The following ANKS1B variants were observed in gnomAD, a reference collection of about 807,000 sequenced individuals.
ANKS1B encodes ankyrin repeat and sterile alpha motif domain-containing protein 1B.
In ANKS1B, 36 loss-of-function variants were observed where a neutral mutation model predicts 148.3. The ratio of observed to expected loss-of-function variants is 0.24; its 90% CI spans 0.19 to 0.32. The LOEUF (loss-of-function observed/expected upper bound fraction) is 0.32. Ranked by LOEUF, ANKS1B falls within the 10% of genes least tolerant of loss-of-function variation. The pLI is 1.00. For synonymous variants in ANKS1B, 542 were observed against 560.8 expected, an observed-to-expected ratio of 0.97 and a Z score of 0.47; for missense variants, 1,157 against 1,542.6, an observed-to-expected ratio of 0.75 and a Z score of 4.19.
At chr12:99,759,227 G>A (rs1038142336) in intron 8 of ANKS1B, among the ~76,000 whole-genome samples, 3 of 151,848 alleles carry the variant, frequency 2.0e-5, no homozygotes, top group Non-Finnish European at 4.4e-5. Context: ...GCTTTAAAAA[G>A]CATAGATGGC....
In ANKS1B at chr12:99,588,486, G is replaced by A. The variant is rs971047340; in HGVS notation, c.1272+66581C>T. 4.6e-5 allele frequency among the ~76,000 whole-genome samples: 7 copies of A among 151,144 alleles called. No homozygotes were observed. In the East Asian group the frequency reaches 5.8e-4, roughly 13 times the overall value. On this transcript the variant is annotated intron_variant, in intron 9 of 26. Coordinates refer to ENST00000683438, the MANE Select transcript of ANKS1B (RefSeq NM_001352186.2). The stretch of plus-strand genomic sequence containing the variant: ...GGCTGGAGTGCAGTGGTGCCATCTC[G>A]GCTCACTGCAACTTCCACCTCCCGG...
At chr12:99,815,331 A>G (rs984328331) in intron 2 of ANKS1B, among the ~76,000 whole-genome samples, 2 of 151,822 alleles carry the variant, frequency 1.3e-5, no homozygotes, top group African/African-American at 4.8e-5. Context: ...CCACCATCTA[A>G]TATCTAAATC....
At chr12:99,721,278 C>T (rs868040833) in intron 8 of ANKS1B, among the ~76,000 whole-genome samples, 30 of 152,180 alleles carry the variant, frequency 2.0e-4, no homozygotes, top group Non-Finnish European at 3.4e-4. Context: ...GTCGTCCCAA[C>T]ACTTTATCAC....
intron 16 of ANKS1B, among the ~76,000 whole-genome samples, chr12:99,076,939 T>C (rs2048053710): frequency 6.6e-6 from 1 of 152,098 alleles, no homozygotes; most frequent in African/African-American, 2.4e-5. Flanking sequence ...ATAGGACATA[T>C]GGCCAGCAGA....
At chr12:99,442,370 TG>T (rs2095563006) in intron 11 of ANKS1B, among the ~76,000 whole-genome samples, 1 of 151,848 alleles carries the variant, frequency 6.6e-6, no homozygotes, top group African/African-American at 2.4e-5. Flanking sequence ...CTCCACATAT[TG>T]GGGCACTATG....
At chr12:98,984,236 T>C (rs879706724) in intron 17 of ANKS1B, among the ~76,000 whole-genome samples, 1 of 152,168 alleles carries the variant, frequency 6.6e-6, no homozygotes, top group Non-Finnish European at 1.5e-5. Flanking sequence ...CCTGGAAGGG[T>C]AGTTTGTGTG....
intron 17 of ANKS1B, among the ~76,000 whole-genome samples, chr12:98,994,573 C>G (rs990449854): frequency 7.9e-5 from 12 of 152,152 alleles, no homozygotes; most frequent in African/African-American, 2.7e-4. Flanking sequence ...GAGCCAAGAT[C>G]GTACCACTGC....
chr12:99,105,269 C>CA (rs1230620449), intron 15 of ANKS1B, among the ~76,000 whole-genome samples: 1 of 152,106 alleles, frequency 6.6e-6, no homozygotes, highest in Non-Finnish European at 1.5e-5. Context: ...CAAGGACATG[C>CA]AAAATATCTG....
chr12:99,311,265 T>C (rs115274626), intron 12 of ANKS1B, among the ~76,000 whole-genome samples: 2,325 of 152,012 alleles, frequency 0.015, 76 homozygotes, highest in African/African-American at 0.053. Context: ...TCCTATAACA[T>C]TGCCAGAAAC....
At chr12:98,780,837 C>T (rs1405855063) in intron 24 of ANKS1B, among the ~76,000 whole-genome samples, 1 of 152,118 alleles carries the variant, frequency 6.6e-6, no homozygotes, top group Admixed American at 6.6e-5. Context: ...TAAGTGGCCA[C>T]AGTCTATTAG....
chr12:99,225,941 C>T (rs2085864167), intron 14 of ANKS1B, among the ~76,000 whole-genome samples: 1 of 152,226 alleles, frequency 6.6e-6, no homozygotes, highest in African/African-American at 2.4e-5. Context: ...CTCTAGAGAA[C>T]CCTAATACAT....
At chr12:98,793,371 A>G (rs1217091745) in intron 22 of ANKS1B, among the ~76,000 whole-genome samples, 1 of 152,244 alleles carries the variant, frequency 6.6e-6, no homozygotes, top group East Asian at 1.9e-4. Context: ...ACTTAAATAT[A>G]AGACCTGAAA....
intron 19 of ANKS1B, 91 bp from the exon 20 acceptor site, chr12:98,808,009 T>A: frequency 1.0e-6 from 1 of 989,256 alleles, no homozygotes. Flanking sequence ...AGGAAAATAA[T>A]AAAATGCAAA....
intron 1 of ANKS1B, among the ~76,000 whole-genome samples, chr12:99,888,189 G>A (rs1006800766): frequency 6.6e-6 from 1 of 152,212 alleles, no homozygotes; most frequent in Non-Finnish European, 1.5e-5. Context: ...GAGAGAGGAA[G>A]TAACAGGGGA....
chr12:99,383,376 A>T (rs1346393974), intron 12 of ANKS1B, among the ~76,000 whole-genome samples: 1 of 152,184 alleles, frequency 6.6e-6, no homozygotes, highest in Non-Finnish European at 1.5e-5. Flanking sequence ...TGTAGAATAA[A>T]ATCCAGACTC....
At chr12:99,428,820 T>A (rs905839700) in intron 11 of ANKS1B, among the ~76,000 whole-genome samples, 1 of 152,112 alleles carries the variant, frequency 6.6e-6, no homozygotes, top group African/African-American at 2.4e-5. Flanking sequence ...CTTAGAGAAA[T>A]AGCTGATTCC....
At chr12:99,562,800 C>T (rs1394240945) in intron 9 of ANKS1B, among the ~76,000 whole-genome samples, 4 of 152,152 alleles carry the variant, frequency 2.6e-5, no homozygotes, top group South Asian at 2.1e-4. Flanking sequence ...TCCCTCAATA[C>T]GTGGGTATTA....
chr12:99,781,036 A>G (rs2064253986), intron 5 of ANKS1B, among the ~76,000 whole-genome samples: 1 of 146,380 alleles, frequency 6.8e-6, no homozygotes. Context: ...CCCTAAAAAT[A>G]TTATGAATTT....
At chr12:98,795,897 C>T (rs1382625264) in intron 22 of ANKS1B, among the ~76,000 whole-genome samples, 3 of 152,182 alleles carry the variant, frequency 2.0e-5, no homozygotes, top group African/African-American at 7.2e-5. Flanking sequence ...AATGGCAATA[C>T]CTACTGTGTG....
Sources: allele counts gnomAD v4.1 joint callset (sites outside exome capture counted in the v4.1 genomes callset), GRCh38; gene constraint gnomAD v4.1.1; transcripts MANE v1.5; gene names NCBI Gene and HGNC (gene_info 2026-07-23, HGNC 2026-07-21).